Variants in VPS13C observed in about 807,000 individuals in gnomAD.
VPS13C encodes the protein intermembrane lipid transfer protein VPS13C.
In VPS13C, 358 loss-of-function variants were observed where a neutral mutation model predicts 456.8. That is an observed-to-expected ratio of 0.78 (90% CI 0.72 to 0.86). VPS13C has a LOEUF of 0.86. VPS13C is among the 40% of genes least tolerant of loss of function. The pLI is 0.00. For synonymous variants in VPS13C, 1,578 were observed against 1,486.7 expected (o/e 1.06, Z -1.41); for missense variants, 4,818 against 4,385.4 (o/e 1.10, Z -2.79).
intron 1 of VPS13C, among the ~76,000 whole-genome samples, chr15:62,054,321 G>A (rs559863170): frequency 1.3e-5 from 2 of 152,158 alleles, no homozygotes; most frequent in African/African-American, 4.8e-5. Flanking sequence ...TTACAAACTA[G>A]CTGGCAGGTA....
At chr15:61,925,429 C>A in intron 53 of VPS13C, 27 bp downstream of exon 53, 1 of 1,369,202 alleles carries the variant, frequency 7.3e-7, no homozygotes, top group Non-Finnish European at 9.9e-7. Context: ...TAAGAATTTT[C>A]ACTCAAAGAA....
intron 16 of VPS13C, among the ~76,000 whole-genome samples, chr15:61,998,257 C>G (rs2046460750): frequency 6.6e-6 from 1 of 152,172 alleles, no homozygotes; most frequent in Non-Finnish European, 1.5e-5. Flanking sequence ...TGAGGCTTTT[C>G]CTGACAACCC....
At chr15:62,012,277 A>G (rs1482409198) in intron 11 of VPS13C, 113 bp from the exon 12 acceptor site, 2 of 572,346 alleles carry the variant, frequency 3.5e-6, no homozygotes, top group South Asian at 2.4e-5. Context: ...TTCTTCATCA[A>G]TATCTTTGCT....
chr15:61,880,769 T>G, intron 72 of VPS13C, 47 bp from the exon 73 acceptor site: 1 of 1,539,446 alleles, frequency 6.5e-7, no homozygotes, highest in South Asian at 1.2e-5. Context: ...TTTTTCTCTA[T>G]TAGAATTCGT....
chr15:61,962,582 G>C (rs1175866174), intron 33 of VPS13C, 44 bp from the exon 34 acceptor site: 2 of 1,529,254 alleles, frequency 1.3e-6, no homozygotes, highest in African/African-American at 2.8e-5. Context: ...GGAAGGTAAT[G>C]ACAAAATAAA....
At chr15:61,933,889 A>G (rs2044140626) in intron 49 of VPS13C, among the ~76,000 whole-genome samples, 1 of 151,986 alleles carries the variant, frequency 6.6e-6, no homozygotes, top group Admixed American at 6.5e-5. Context: ...ATATATACAT[A>G]TATATATAGC....
rs780749256 is a variant in VPS13C, at chr15:61,882,765, G to A, written c.9484-29C>T. 77 of 1,570,338 alleles carry A rather than the reference G, an allele frequency of 4.9e-5. 1 individual carries two copies. The highest frequency in any genetic ancestry group is 6.0e-5 in the Non-Finnish European group (70 of 1,161,718). On this transcript the variant is annotated intron_variant, in intron 68 of 84. Transcript: ENST00000644861. ...GAAAAAAAGCACATGTTTTTGTGAT[G>A]AGCTGATATTAGCACAGTAGCTATT...
chr15:61,881,713 AG>A (rs2140905637), intron 70 of VPS13C, 33 bp downstream of exon 70: 1 of 1,601,736 alleles, frequency 6.2e-7, no homozygotes, highest in Non-Finnish European at 8.5e-7. Flanking sequence ...TTTATAAATA[AG>A]GTATATCTAT....
chr15:61,919,950 T>C (rs547952389), intron 57 of VPS13C, 117 bp downstream of exon 57: 2 of 1,006,098 alleles, frequency 2.0e-6, no homozygotes, highest in African/African-American at 3.2e-5. Flanking sequence ...AGCAATTATA[T>C]GTTTCAAATG....
intron 2 of VPS13C, among the ~76,000 whole-genome samples, 178 bp from the exon 3 acceptor site, chr15:62,041,544 G>A (rs1372419956): frequency 2.0e-5 from 3 of 152,140 alleles, no homozygotes; most frequent in Non-Finnish European, 4.4e-5. Flanking sequence ...TAGGCCTGGT[G>A]CAGTGGCTCA....
intron 9 of VPS13C, among the ~76,000 whole-genome samples, chr15:62,017,460 G>C (rs1448631813): frequency 1.3e-5 from 2 of 152,106 alleles, no homozygotes. Flanking sequence ...ATTGATTTTT[G>C]TATAAGGTGT....
chr15:61,900,377 C>T (rs1226519368), intron 66 of VPS13C, among the ~76,000 whole-genome samples: 1 of 152,138 alleles, frequency 6.6e-6, no homozygotes, highest in Non-Finnish European at 1.5e-5. Context: ...CCGTCTCAGC[C>T]CAAAATCTCC....
chr15:61,996,326 A>G (rs1317504989), intron 16 of VPS13C, among the ~76,000 whole-genome samples: 1 of 152,222 alleles, frequency 6.6e-6, no homozygotes, highest in Non-Finnish European at 1.5e-5. Context: ...CACCATCCAC[A>G]GAAGGCAAAC....
Position 61,890,162 on chromosome 15 carries a change from T to C in VPS13C, c.9341+3A>G. On this transcript the variant is annotated splice_donor_region_variant and intron_variant, in intron 67 of 84. Transcript: ENST00000644861. ...AGGATGTCTTATTTTCCTTCTTGCA[T>C]ACCTGGTTATCCCAATATAGGAAAC... 6.2e-7 allele frequency: 1 copy of C among 1,613,730 alleles called. No homozygotes were observed.
intron 66 of VPS13C, among the ~76,000 whole-genome samples, chr15:61,905,408 T>C (rs1369775209): frequency 6.6e-6 from 1 of 152,172 alleles, no homozygotes; most frequent in Admixed American, 6.6e-5. Flanking sequence ...TACAGTTAAA[T>C]CTTATGTTGT....
intron 1 of VPS13C, among the ~76,000 whole-genome samples, chr15:62,051,599 C>T (rs1474105906): frequency 6.6e-6 from 1 of 152,134 alleles, no homozygotes; most frequent in Non-Finnish European, 1.5e-5. Context: ...CCCTGGACAA[C>T]AAAAATGCCA....
intron 3 of VPS13C, among the ~76,000 whole-genome samples, chr15:62,037,267 TTATATAATATATTATA>T (rs1284473931): frequency 4.6e-4 from 10 of 21,724 alleles, no homozygotes; most frequent in African/African-American, 1.8e-3. Flanking sequence ...ATATATTATA[TTATATAATATATTATA>T]TATATTATAT....
intron 37 of VPS13C, among the ~76,000 whole-genome samples, 162 bp from the exon 38 acceptor site, chr15:61,954,716 C>T (rs2044926669): frequency 6.6e-6 from 1 of 152,052 alleles, no homozygotes; most frequent in South Asian, 2.1e-4. Flanking sequence ...GTGGAAGAGA[C>T]ATATACATTT....
intron 31 of VPS13C, 37 bp from the exon 32 acceptor site, chr15:61,963,988 T>A: frequency 1.5e-6 from 2 of 1,341,392 alleles, no homozygotes; most frequent in South Asian, 2.4e-5. Flanking sequence ...CATGGTGAGA[T>A]TCTAGTCATC....
Sources: gnomAD v4.1 joint callset for allele counts (sites outside exome capture counted in the v4.1 genomes callset) on GRCh38, gnomAD v4.1.1 for gene constraint, MANE v1.5 for transcripts, NCBI Gene and HGNC (gene_info 2026-07-23, HGNC 2026-07-21) for gene names.